The following MRPS28 variants were observed in gnomAD, a reference collection of about 807,000 sequenced individuals.
MRPS28 encodes the protein mitochondrial ribosomal protein S28, also known as small ribosomal subunit protein bS1m.
A neutral mutation model predicts 10.8 loss-of-function variants in MRPS28; 7 were observed. The ratio of observed to expected loss-of-function variants is 0.65; its 90% CI spans 0.37 to 1.22. The LOEUF is 1.22. MRPS28 is among the 50% of genes most tolerant of loss of function. The pLI is 0.02. For synonymous variants in MRPS28, 121 were observed against 93.3 expected, an observed-to-expected ratio of 1.30 and a Z score of -1.71; for missense variants, 265 against 232.9, an observed-to-expected ratio of 1.14 and a Z score of -0.90.
chr8:79,985,706 A>C lies in MRPS28; in HGVS notation c.395+17293T>G, dbSNP rs192865704. Among the ~76,000 whole-genome samples, 1,230 of 152,100 alleles carry C rather than the reference A, an allele frequency of 8.1e-3. 11 individuals are homozygous for C. The highest frequency in any genetic ancestry group is 8.1e-3 in the Non-Finnish European group (548 of 67,954). ...ATGGATAAATTCCTCGACACATACA[A>C]CCTCCCAAGACTAAACCAGGAAGAA... On this transcript the variant is annotated intron_variant, in intron 2 of 2. Coordinates refer to ENST00000276585, the MANE Select transcript of MRPS28 (RefSeq NM_014018.3).
chr8:79,922,589 C>A (rs1586036101), intron 2 of MRPS28, among the ~76,000 whole-genome samples: 1 of 151,696 alleles, frequency 6.6e-6, no homozygotes, highest in Non-Finnish European at 1.5e-5. Flanking sequence ...TAAATATGTA[C>A]AATTTTTATT....
chr8:79,924,642 A>C (rs1194663399), intron 2 of MRPS28, among the ~76,000 whole-genome samples: 2 of 152,222 alleles, frequency 1.3e-5, no homozygotes, highest in Non-Finnish European at 2.9e-5. Flanking sequence ...TTGATTGTAT[A>C]CGCAAAATGC....
At chr8:79,950,349 T>C (rs1157848966) in intron 2 of MRPS28, among the ~76,000 whole-genome samples, 8 of 152,260 alleles carry the variant, frequency 5.3e-5, no homozygotes, top group East Asian at 1.9e-4. Flanking sequence ...TTTAACCCCA[T>C]AGAAAATGAT....
At chr8:79,973,086 A>G (rs1426582526) in intron 2 of MRPS28, among the ~76,000 whole-genome samples, 2 of 152,250 alleles carry the variant, frequency 1.3e-5, no homozygotes, top group African/African-American at 4.8e-5. Flanking sequence ...AATGAAAGCT[A>G]GCCACTATAA....
At chr8:80,021,119 T>C (rs1809349858) in intron 1 of MRPS28, among the ~76,000 whole-genome samples, 1 of 151,958 alleles carries the variant, frequency 6.6e-6, no homozygotes, top group Admixed American at 6.6e-5. Context: ...TCTCCCGCCT[T>C]AGCCTCCCGA....
intron 2 of MRPS28, among the ~76,000 whole-genome samples, chr8:79,938,386 AG>A (rs1316954314): frequency 6.6e-6 from 1 of 151,332 alleles, no homozygotes; most frequent in Non-Finnish European, 1.5e-5. Flanking sequence ...TAAACAGTAG[AG>A]GTAGGATTCC....
chr8:79,998,633 A>G (rs1482123738), intron 2 of MRPS28, among the ~76,000 whole-genome samples: 2 of 152,234 alleles, frequency 1.3e-5, no homozygotes, highest in East Asian at 1.9e-4. Flanking sequence ...TATAATACAT[A>G]AAACAGATAA....
intron 2 of MRPS28, among the ~76,000 whole-genome samples, chr8:79,992,822 C>G (rs1808403521): frequency 6.6e-6 from 1 of 152,148 alleles, no homozygotes; most frequent in Non-Finnish European, 1.5e-5. Flanking sequence ...TTTAAAGTAT[C>G]TCTGTAAGCC....
intron 2 of MRPS28, among the ~76,000 whole-genome samples, chr8:79,954,926 G>A (rs561082262): frequency 1.3e-5 from 2 of 152,088 alleles, no homozygotes; most frequent in Non-Finnish European, 1.5e-5. Flanking sequence ...CTTGAACCCA[G>A]GAGGCAGAGG....
intron 1 of MRPS28, among the ~76,000 whole-genome samples, chr8:80,007,333 C>G (rs1308442145): frequency 6.6e-6 from 1 of 152,182 alleles, no homozygotes; most frequent in Non-Finnish European, 1.5e-5. Flanking sequence ...TGGGCAAAAA[C>G]TGGAAGCATT....
intron 2 of MRPS28, among the ~76,000 whole-genome samples, chr8:79,996,114 T>C (rs1337081546): frequency 6.6e-6 from 1 of 152,134 alleles, no homozygotes; most frequent in African/African-American, 2.4e-5. Flanking sequence ...TCAAAGAAAG[T>C]ATATAATACA....
chr8:80,018,295 CAAAAAAAAAA>C (rs55883340), intron 1 of MRPS28, among the ~76,000 whole-genome samples: 1 of 53,078 alleles, frequency 1.9e-5, no homozygotes, highest in East Asian at 6.3e-4. Flanking sequence ...TACTCTGTCT[CAAAAAAAAAA>C]AAAAAAAAAA....
intron 1 of MRPS28, among the ~76,000 whole-genome samples, chr8:80,016,773 T>G (rs372453916): frequency 2.6e-5 from 4 of 152,314 alleles, no homozygotes; most frequent in East Asian, 1.9e-4. Context: ...ATCCTTAATG[T>G]GTACATGCCT....
At chr8:80,029,152 C>T (rs1251870252) in intron 1 of MRPS28, among the ~76,000 whole-genome samples, 2 of 152,168 alleles carry the variant, frequency 1.3e-5, no homozygotes, top group Admixed American at 6.5e-5. Flanking sequence ...GTGTTTTACG[C>T]CACTAAATTT....
chr8:79,925,568 G>C (rs886305386), intron 2 of MRPS28, among the ~76,000 whole-genome samples: 2 of 152,106 alleles, frequency 1.3e-5, no homozygotes, highest in Non-Finnish European at 2.9e-5. Context: ...GAAAATGGAG[G>C]ATTTAAAAAT....
At chr8:80,029,861 A>C in intron 1 of MRPS28, 175 bp downstream of exon 1, 1 of 1,535,588 alleles carries the variant, frequency 6.5e-7, no homozygotes. Flanking sequence ...GAAGAAAAAC[A>C]CCAAGCACAG....
At chr8:80,020,200 GTT>G (rs1350863911) in intron 1 of MRPS28, among the ~76,000 whole-genome samples, 1 of 152,190 alleles carries the variant, frequency 6.6e-6, no homozygotes. Context: ...GGAGAGTATG[GTT>G]TTATCATGCA....
At chr8:79,961,154 G>A (rs1038801911) in intron 2 of MRPS28, among the ~76,000 whole-genome samples, 6 of 152,106 alleles carry the variant, frequency 3.9e-5, no homozygotes, top group African/African-American at 1.4e-4. Flanking sequence ...GAGGAACACT[G>A]AGTAACCTAA....
chr8:80,005,244 A>G (rs958682422), intron 1 of MRPS28, among the ~76,000 whole-genome samples: 6 of 152,170 alleles, frequency 3.9e-5, no homozygotes, highest in Admixed American at 6.5e-5. Flanking sequence ...GAGAAAGGTC[A>G]GGTTACCCAC....
Sources: allele counts gnomAD v4.1 joint callset (sites outside exome capture counted in the v4.1 genomes callset), GRCh38; gene constraint gnomAD v4.1.1; transcripts MANE v1.5; gene names NCBI Gene and HGNC (gene_info 2026-07-23, HGNC 2026-07-21).